KCND3: variants seen among roughly 807,000 people sequenced by gnomAD.
The protein encoded by KCND3 is potassium voltage-gated channel subfamily D member 3.
Under a neutral mutation model 51.1 loss-of-function variants are expected in KCND3, and 9 were observed. The ratio of observed to expected loss-of-function variants is 0.18; its 90% CI spans 0.11 to 0.31. The LOEUF is 0.31. Ranked by LOEUF, KCND3 falls within the 10% of genes least tolerant of loss-of-function variation. The pLI is 1.00. For synonymous variants in KCND3, 349 were observed against 368.0 expected (o/e 0.95, Z 0.59); for missense variants, 526 against 903.8 (o/e 0.58, Z 5.36).
chr1:111,988,465 T>C (rs1481008860), intron 1 of KCND3, among the ~76,000 whole-genome samples: 2 of 152,094 alleles, frequency 1.3e-5, no homozygotes, highest in African/African-American at 2.4e-5. Flanking sequence ...TGCATTCAAG[T>C]AGAGACGAGG....
chr1:111,876,469 C>T (rs1435730742), intron 2 of KCND3, among the ~76,000 whole-genome samples: 1 of 152,186 alleles, frequency 6.6e-6, no homozygotes, highest in East Asian at 1.9e-4. Context: ...AATTTTAATT[C>T]CCACAATGCA....
intron 2 of KCND3, among the ~76,000 whole-genome samples, chr1:111,848,771 T>TAGTA (rs2101658294): frequency 1.3e-5 from 2 of 152,284 alleles, no homozygotes; most frequent in Admixed American, 1.3e-4. Flanking sequence ...AGGATGTGGA[T>TAGTA]AGTAAGACCT....
chr1:111,912,682 G>A (rs538376924), intron 2 of KCND3, among the ~76,000 whole-genome samples: 2 of 152,150 alleles, frequency 1.3e-5, no homozygotes, highest in African/African-American at 4.8e-5. Flanking sequence ...ATCCTAACCT[G>A]ATGCAGGCCT....
intron 2 of KCND3, among the ~76,000 whole-genome samples, chr1:111,893,528 C>T (rs1669950087): frequency 6.6e-6 from 1 of 152,160 alleles, no homozygotes; most frequent in Non-Finnish European, 1.5e-5. Context: ...AATTCCTTAA[C>T]TCTTTAAGGA....
At chr1:111,940,631 C>T (rs1244337053) in intron 2 of KCND3, among the ~76,000 whole-genome samples, 1 of 152,176 alleles carries the variant, frequency 6.6e-6, no homozygotes, top group East Asian at 1.9e-4. Context: ...TTACTGTAGC[C>T]TCCCACAAGG....
chr1:111,973,600 G>A (rs1674463418), intron 2 of KCND3, among the ~76,000 whole-genome samples: 1 of 152,178 alleles, frequency 6.6e-6, no homozygotes, highest in Non-Finnish European at 1.5e-5. Context: ...ATGTAGGGGG[G>A]AAGTTCCCCT....
intron 2 of KCND3, among the ~76,000 whole-genome samples, chr1:111,914,272 T>TAA (rs144637961): frequency 0.053 from 7,300 of 138,698 alleles, 213 homozygotes; most frequent in Non-Finnish European, 0.067. Flanking sequence ...GAAAAAAGAT[T>TAA]AAAAAAAAAA....
In KCND3 at chr1:111,850,493, A is replaced by C. The variant is rs530213665; in HGVS notation, c.1107-63387T>G. On this transcript the variant is annotated intron_variant, in intron 2 of 7. Transcript: ENST00000302127. ...AGTGGACCCTCCTTTCCTTGTGAAC[A>C]ATATAGGGATATTTGATGAAGGGGT... Among the ~76,000 whole-genome samples, 4 of 152,230 alleles carry C rather than the reference A, an allele frequency of 2.6e-5. No homozygotes were observed. The East Asian group carries it at 7.7e-4, about 29-fold the overall frequency.
chr1:111,802,713 GACT>G (rs529514650), intron 2 of KCND3, among the ~76,000 whole-genome samples: 1 of 152,194 alleles, frequency 6.6e-6, no homozygotes, highest in Non-Finnish European at 1.5e-5. Flanking sequence ...CCTGTAGCAG[GACT>G]AAATGGGTCC....
chr1:111,841,436 C>CA (rs1553245982), intron 2 of KCND3, among the ~76,000 whole-genome samples: 13 of 151,922 alleles, frequency 8.6e-5, no homozygotes, highest in Non-Finnish European at 1.9e-4. Context: ...TATCAGAAAA[C>CA]GAATTGTTCC....
chr1:111,965,876 C>T (rs929529978), intron 2 of KCND3, among the ~76,000 whole-genome samples: 8 of 152,144 alleles, frequency 5.3e-5, no homozygotes, highest in African/African-American at 1.4e-4. Context: ...AGCAATGGAC[C>T]GGTATATGTC....
chr1:111,978,578 C>T (rs55736262), intron 2 of KCND3, among the ~76,000 whole-genome samples: 2 of 152,170 alleles, frequency 1.3e-5, no homozygotes, highest in East Asian at 1.9e-4. Context: ...TCCAAGGTCA[C>T]GTCAGTGAAA....
intron 2 of KCND3, among the ~76,000 whole-genome samples, chr1:111,887,199 C>T (rs1348082898): frequency 6.6e-6 from 1 of 152,148 alleles, no homozygotes; most frequent in African/African-American, 2.4e-5. Flanking sequence ...CTGTTCTGTC[C>T]ACGGAGGCTT....
intron 2 of KCND3, among the ~76,000 whole-genome samples, chr1:111,791,962 G>C (rs1166610272): frequency 6.6e-6 from 1 of 152,208 alleles, no homozygotes; most frequent in African/African-American, 2.4e-5. Flanking sequence ...ATTGATGGGA[G>C]TGCAGTGTCT....
Position 111,791,661 on chromosome 1 carries a change from G to T in KCND3, c.1107-4555C>A, listed in dbSNP as rs180950515. On this transcript the variant is annotated intron_variant, in intron 2 of 7. Coordinates refer to ENST00000302127, the MANE Select transcript of KCND3 (RefSeq NM_001378969.1). ...GGTGATGAGGCTGCTACTGGTGATT[G>T]TTTGAAAGTAAGTTCCTCACATTTC... 2.0e-5 allele frequency among the ~76,000 whole-genome samples: 3 copies of T among 152,322 alleles called. No homozygotes were observed. The East Asian group carries it at 5.8e-4, about 29-fold the overall frequency.
intron 2 of KCND3, among the ~76,000 whole-genome samples, chr1:111,859,508 G>C (rs562230349): frequency 3.3e-5 from 5 of 152,338 alleles, no homozygotes; most frequent in African/African-American, 1.2e-4. Context: ...AAGGCAAAAG[G>C]AGTCACTACT....
intron 2 of KCND3, among the ~76,000 whole-genome samples, chr1:111,865,931 C>T (rs1668542386): frequency 6.6e-6 from 1 of 152,162 alleles, no homozygotes; most frequent in Admixed American, 6.5e-5. Context: ...GTCTTAAACT[C>T]CTGGGCTCAA....
At chr1:111,829,600 G>A (rs1249979197) in intron 2 of KCND3, among the ~76,000 whole-genome samples, 3 of 152,086 alleles carry the variant, frequency 2.0e-5, no homozygotes, top group Non-Finnish European at 2.9e-5. Context: ...AAGTGTCCCC[G>A]GTCTCACTCT....
At chr1:111,887,763 G>C (rs1311193389) in intron 2 of KCND3, among the ~76,000 whole-genome samples, 1 of 152,158 alleles carries the variant, frequency 6.6e-6, no homozygotes, top group Non-Finnish European at 1.5e-5. Context: ...AATATGAGAG[G>C]GAATCACTTC....
Sources: allele counts gnomAD v4.1 joint callset (sites outside exome capture counted in the v4.1 genomes callset), GRCh38; gene constraint gnomAD v4.1.1; transcripts MANE v1.5; gene names NCBI Gene and HGNC (gene_info 2026-07-23, HGNC 2026-07-21).